MATN3: variants seen among roughly 807,000 people sequenced by gnomAD.
MATN3 encodes matrilin 3.
In MATN3, 48 loss-of-function variants were observed where a neutral mutation model predicts 45.3. That is an observed-to-expected ratio of 1.06 (90% confidence interval 0.84 to 1.35). The LOEUF (loss-of-function observed/expected upper bound fraction) is 1.35. MATN3 is among the 40% of genes most tolerant of loss of function. The pLI, the probability that MATN3 is intolerant of heterozygous loss-of-function variation, is 0.00. For synonymous variants in MATN3, 217 were observed against 245.9 expected (o/e 0.88, Z 1.10); for missense variants, 599 against 628.0 (o/e 0.95, Z 0.49).
At position 20,006,202 on chromosome 2, in the gene MATN3, T is replaced by C; in HGVS notation, c.332A>G (p.Asp111Gly). 1.2e-6 allele frequency: 2 copies of C among 1,613,792 alleles called. No homozygotes were observed. Among genetic ancestry groups the C allele is most frequent in the South Asian group, 1.1e-5 (1 of 91,044 alleles). ...KVKTFVSRII[D>G]TLDIGPADTR... ...GTCGGCTGGCCCAATGTCCAGAGTG[T>C]CGATTATCCGGGAGACAAAAGTTTT... The change falls in exon 2 of 8, where the codon GAC becomes GGC. Residue 111 changes from aspartate to glycine, a missense_variant. Coordinates refer to ENST00000407540, the MANE Select transcript of MATN3 (RefSeq NM_002381.5).
At chr2:19,994,217 T>C (rs1024785979) in intron 7 of MATN3, 82 bp downstream of exon 7, 6 of 787,928 alleles carry the variant, frequency 7.6e-6, no homozygotes, top group Admixed American at 2.5e-5. Flanking sequence ...CACTTGCCTG[T>C]GGAATGTCTT....
chr2:19,992,945 G>T lies in MATN3; in HGVS notation c.*166C>A. On this transcript the variant is annotated 3_prime_UTR_variant, in exon 8 of 8. Transcript: ENST00000407540. ...TGTATTTCCTTGGAAGAATCATGCTGATTCTGCAGAAGATCTTCATACAAT... is the reference window on the plus strand; with the variant it reads ...TGTATTTCCTTGGAAGAATCATGCTTATTCTGCAGAAGATCTTCATACAAT... 1.6e-6 allele frequency: 1 copy of T among 621,292 alleles called. No homozygotes were observed. The allele number at this position is 621,292 out of a possible 1,614,324, so 38.5% of individuals were successfully genotyped here.
intron 3 of MATN3, among the ~76,000 whole-genome samples, 163 bp from the exon 4 acceptor site, chr2:20,002,243 G>C (rs931654039): frequency 6.6e-6 from 1 of 151,592 alleles, no homozygotes. Context: ...CCAACCCTCC[G>C]GTCTTGGCTC....
intron 1 of MATN3, among the ~76,000 whole-genome samples, chr2:20,010,077 A>AAAAAAAAAAAAAAAAAAAAAAAAAAC (rs1673190614): frequency 6.7e-6 from 1 of 149,286 alleles, no homozygotes; most frequent in Non-Finnish European, 1.5e-5. Context: ...TAAAAAAAAA[A>AAAAAAAAAAAAAAAAAAAAAAAAAAC]AAAAAAAAAA....
At chr2:19,998,852 A>G (rs1239049906) in intron 5 of MATN3, among the ~76,000 whole-genome samples, 3 of 152,126 alleles carry the variant, frequency 2.0e-5, no homozygotes, top group African/African-American at 7.2e-5. Context: ...TGCTTTGTAC[A>G]TTAAGACAGT....
At chr2:20,006,913 A>G (rs1673117627) in intron 1 of MATN3, among the ~76,000 whole-genome samples, 1 of 152,192 alleles carries the variant, frequency 6.6e-6, no homozygotes, top group South Asian at 2.1e-4. Flanking sequence ...GGCTCACTGG[A>G]GCCCTGAACT....
chr2:20,003,289 G>C lies in MATN3; in HGVS notation c.791-3C>G. 6.2e-7 allele frequency: 1 copy of C among 1,608,698 alleles called. No homozygotes were observed. The highest frequency in any genetic ancestry group is 8.5e-7 in the Non-Finnish European group (1 of 1,176,136). The stretch of plus-strand genomic sequence containing the variant: ...TCCAAGCACACAGGGGTCCAGCGCT[G>C]TGAGAGGAAGTTTACAACAGTCAGC... On this transcript the variant is annotated splice_region_variant and splice_polypyrimidine_tract_variant and intron_variant, in intron 2 of 7. Coordinates refer to ENST00000407540, the MANE Select transcript of MATN3 (RefSeq NM_002381.5).
chr2:19,999,064 G>C (rs1349635299), intron 5 of MATN3: 1 of 151,964 alleles, frequency 6.6e-6, no homozygotes, highest in East Asian at 1.9e-4. Flanking sequence ...TGAAGAATAT[G>C]GAATACTGGC....
chr2:19,997,914 G>A (rs559182956), intron 5 of MATN3: 1 of 152,312 alleles, frequency 6.6e-6, no homozygotes, highest in South Asian at 2.1e-4. Context: ...AAATTTGAGT[G>A]GAGAGGAGAG....
rs1672856779 is a variant in MATN3, at chr2:19,995,882, T to C, written c.1294+1252A>G. On this transcript the variant is annotated intron_variant, in intron 6 of 7. Transcript: ENST00000407540. This position sits in a 1 kb window ranked among gnomAD's most constrained non-coding sequence, Gnocchi z 4.2. ...TTCATTAAATATAATCTATCATCTA[T>C]CCACCTGTCTGAATCCTATTGAACC... is the stretch of plus-strand genomic sequence containing the variant. Among the ~76,000 whole-genome samples, 1 of 152,214 alleles carries C rather than the reference T, an allele frequency of 6.6e-6. No homozygotes were observed. The highest frequency in any genetic ancestry group is 6.5e-5 in the Admixed American group (1 of 15,288).
rs565502935 is a variant in MATN3 at position 20,000,904 on chromosome 2, C to A, written c.1043-338G>T. On this transcript the variant is annotated intron_variant, in intron 4 of 7. Transcript: ENST00000407540. ...ATACCAACAGTTGTGTGGCTAATTA[C>A]ATTAGATTCAGAAAAACATAGAATT... 1.7e-4 allele frequency among the ~76,000 whole-genome samples: 26 copies of A among 152,236 alleles called. 1 individual carries two copies. The South Asian group carries it at 5.4e-3, about 32-fold the overall frequency.
chr2:20,007,832 AT>A (rs1409321389), intron 1 of MATN3, among the ~76,000 whole-genome samples: 9 of 152,208 alleles, frequency 5.9e-5, no homozygotes, highest in Non-Finnish European at 1.0e-4. Context: ...ATCACAGTAC[AT>A]TTTAGTGTTC....
chr2:20,005,802 G>T lies in MATN3; in HGVS notation c.732C>A (p.Tyr244Ter). ...TCTCAATGACCCCATAGGTCTCCAC[G>T]TAGAAAACATGCTCCTCTAGGGGCT... Reference protein sequence around the residue: ...ASEPLEEHVFYVETYGVIEKL... With the variant: ...ASEPLEEHVF Residue 244 changes from tyrosine to a stop codon, truncating the protein, a stop_gained, in exon 2 of 8, where the codon TAC becomes TAA. Transcript: ENST00000407540. LOFTEE classifies it high-confidence loss of function. 1 of 1,611,164 alleles carries T rather than the reference G, an allele frequency of 6.2e-7. No individual in the cohort carries two copies. Among genetic ancestry groups the T allele is most frequent in the Non-Finnish European group, 8.5e-7 (1 of 1,178,678 alleles).
chr2:20,002,299 T>C (rs1190301778), intron 3 of MATN3, among the ~76,000 whole-genome samples: 1 of 152,170 alleles, frequency 6.6e-6, no homozygotes, highest in Non-Finnish European at 1.5e-5. Context: ...TTCCCTTCTG[T>C]CCATCTCAAT....
chr2:20,009,985 C>G (rs547348942), intron 1 of MATN3, among the ~76,000 whole-genome samples: 2 of 145,098 alleles, frequency 1.4e-5, no homozygotes, highest in African/African-American at 5.1e-5. Context: ...CCATCTTGAG[C>G]ACATGTACTC....
At chr2:19,996,995 A>T in intron 6 of MATN3, 139 bp downstream of exon 6, 1 of 799,942 alleles carries the variant, frequency 1.3e-6, no homozygotes, top group Non-Finnish European at 2.0e-6. Flanking sequence ...TCATTGTTTT[A>T]TTCTGTAGAC....
At chr2:20,009,289 T>C (rs975918787) in intron 1 of MATN3, among the ~76,000 whole-genome samples, 9 of 109,138 alleles carry the variant, frequency 8.2e-5, no homozygotes, top group East Asian at 3.6e-4. Context: ...AAAAAACAAC[T>C]CCAGCAGCCA....
Position 20,003,238 on chromosome 2 carries a change from A to C in MATN3, c.839T>G (p.Ile280Ser). The change falls in exon 3 of 8, where the codon ATC (isoleucine) becomes AGC (serine). Residue 280 changes from isoleucine (I) to serine (S), a missense_variant. Coordinates refer to ENST00000407540, the MANE Select transcript of MATN3 (RefSeq NM_002381.5). ...LGTHQCQHVC[I>S]SDGEGKHHCE... is the part of the protein sequence containing the mutation. The stretch of plus-strand genomic sequence containing the variant: ...GTGGTGCTTGCCTTCCCCATCACTG[A>C]TGCAGACGTGCTGGCACTGGTGTGT... 16 of 1,613,920 alleles carry C rather than the reference A, an allele frequency of 9.9e-6. No individual in the cohort carries two copies. The highest frequency in any genetic ancestry group is 1.4e-5 in the Non-Finnish European group (16 of 1,179,814).
chr2:20,005,613 C>A, intron 2 of MATN3, 131 bp downstream of exon 2: 1 of 756,990 alleles, frequency 1.3e-6, no homozygotes, highest in Non-Finnish European at 2.1e-6. Context: ...CGTGCACACA[C>A]ACACACGCAT....
Sources: allele counts gnomAD v4.1 joint callset (sites outside exome capture counted in the v4.1 genomes callset), GRCh38; gene constraint gnomAD v4.1.1; non-coding constraint Gnocchi (gnomAD v3.1); transcripts MANE v1.5; gene names NCBI Gene and HGNC (gene_info 2026-07-23, HGNC 2026-07-21).